Variants in CACNA2D3 observed in about 807,000 individuals in gnomAD.
CACNA2D3 encodes voltage-dependent calcium channel subunit alpha-2/delta-3.
In CACNA2D3, 60 loss-of-function variants were observed where a neutral mutation model predicts 160.6. The observed-to-expected ratio is 0.37, with a 90% CI of 0.30 to 0.46. CACNA2D3 has a LOEUF of 0.46. Among genes scored for constraint, CACNA2D3 ranks in the 20% least tolerant of loss-of-function variants. CACNA2D3 has a pLI of 1.00. For missense variants in CACNA2D3, 1,205 were observed against 1,365.0 expected, an observed-to-expected ratio of 0.88 and a Z score of 1.85; for synonymous variants, 558 against 492.9, an observed-to-expected ratio of 1.13 and a Z score of -1.75.
At chr3:54,603,647 A>G (rs1030884985) in intron 9 of CACNA2D3, among the ~76,000 whole-genome samples, 2 of 152,260 alleles carry the variant, frequency 1.3e-5, no homozygotes, top group Admixed American at 1.3e-4. Context: ...ACTTTCATAC[A>G]GACATGCTGG....
chr3:54,216,244 C>G (rs777696290), intron 2 of CACNA2D3, among the ~76,000 whole-genome samples: 2 of 152,128 alleles, frequency 1.3e-5, no homozygotes, highest in Admixed American at 6.5e-5. Flanking sequence ...GAAGCACAGG[C>G]TTTGAGAGAT....
chr3:54,381,154 C>G (rs1157617375), intron 3 of CACNA2D3, among the ~76,000 whole-genome samples: 2 of 152,104 alleles, frequency 1.3e-5, no homozygotes, highest in East Asian at 3.9e-4. Flanking sequence ...TTCCAACACC[C>G]CATTTTAACA....
intron 2 of CACNA2D3, among the ~76,000 whole-genome samples, chr3:54,244,215 A>C (rs1166125892): frequency 6.6e-6 from 1 of 152,218 alleles, no homozygotes; most frequent in Non-Finnish European, 1.5e-5. Context: ...CCATGGCTGC[A>C]GATGAGCAAA....
At chr3:54,970,562 A>C (rs1409385066) in intron 29 of CACNA2D3, among the ~76,000 whole-genome samples, 15 of 86,624 alleles carry the variant, frequency 1.7e-4, no homozygotes, top group African/African-American at 3.2e-4. Context: ...TCCGTTCCTC[A>C]CCCCTCTCCT....
chr3:54,356,744 A>T (rs1311794937), intron 3 of CACNA2D3, among the ~76,000 whole-genome samples: 4 of 152,158 alleles, frequency 2.6e-5, no homozygotes, highest in Non-Finnish European at 5.9e-5. Flanking sequence ...GGGCCATATG[A>T]GTCTATACAG....
intron 11 of CACNA2D3, among the ~76,000 whole-genome samples, chr3:54,647,705 C>G (rs1326859223): frequency 6.6e-6 from 1 of 152,196 alleles, no homozygotes; most frequent in Admixed American, 6.5e-5. Context: ...CAGGGCCTTG[C>G]TCCAAGCAAC....
intron 2 of CACNA2D3, among the ~76,000 whole-genome samples, chr3:54,140,363 C>T (rs1699900861): frequency 6.6e-6 from 1 of 152,212 alleles, no homozygotes; most frequent in Admixed American, 6.5e-5. Flanking sequence ...ACTGTAGGTT[C>T]TCCAGTGCTC....
intron 5 of CACNA2D3, among the ~76,000 whole-genome samples, chr3:54,532,462 C>T (rs570980593): frequency 1.1e-4 from 16 of 152,306 alleles, no homozygotes; most frequent in Middle Eastern, 3.4e-3. Flanking sequence ...TCCCTCACCC[C>T]GCTCCAATGT....
rs185076288 is a variant in CACNA2D3 at position 54,607,221 on chromosome 3, A to G, written c.964-20566A>G. Among the ~76,000 whole-genome samples the G allele has an allele frequency of 7.2e-5, 11 of 152,236 alleles. No homozygotes were observed. In the East Asian group the frequency reaches 1.9e-3, roughly 27 times the overall value. On this transcript the variant is annotated intron_variant, in intron 9 of 37. Transcript: ENST00000474759. ...TTCTGTATCTCCAGTGGGCATGTTCATGTCCCTCTAGATCTGTTTCTCCCC... is the reference window on the plus strand; with the variant it reads ...TTCTGTATCTCCAGTGGGCATGTTCGTGTCCCTCTAGATCTGTTTCTCCCC...
At chr3:54,362,443 A>G (rs1698758873) in intron 3 of CACNA2D3, among the ~76,000 whole-genome samples, 1 of 152,098 alleles carries the variant, frequency 6.6e-6, no homozygotes, top group South Asian at 2.1e-4. Flanking sequence ...CTTATATAAC[A>G]TCTTATATAA....
rs542979323 is a variant in CACNA2D3 at position 54,812,086 on chromosome 3, C to T, written c.1381-4767C>T. 4.6e-5 allele frequency among the ~76,000 whole-genome samples: 7 copies of T among 152,246 alleles called. No individual in the cohort carries two copies. The South Asian group carries it at 6.2e-4, about 14-fold the overall frequency. On this transcript the variant is annotated intron_variant, in intron 13 of 37. Transcript: ENST00000474759. The stretch of plus-strand genomic sequence containing the variant: ...GTTAGCCTTAAGATAACCTCATAGG[C>T]CAGAATGACTGCTAGAGCTCTAGTC...
chr3:54,759,709 T>C (rs771159999), intron 12 of CACNA2D3, among the ~76,000 whole-genome samples: 5 of 152,186 alleles, frequency 3.3e-5, no homozygotes, highest in Non-Finnish European at 7.3e-5. Context: ...AGGACAGTCA[T>C]ATATTGCCCC....
intron 17 of CACNA2D3, among the ~76,000 whole-genome samples, chr3:54,857,349 G>A (rs937902652): frequency 6.6e-6 from 1 of 152,184 alleles, no homozygotes; most frequent in Admixed American, 6.5e-5. Flanking sequence ...TCCTGTATGT[G>A]TAGCATGGCT....
intron 6 of CACNA2D3, among the ~76,000 whole-genome samples, chr3:54,563,742 G>A (rs1702364494): frequency 6.6e-6 from 1 of 152,144 alleles, no homozygotes; most frequent in Admixed American, 6.5e-5. Context: ...GCATAATCTT[G>A]GAGCAATTAA....
intron 4 of CACNA2D3, among the ~76,000 whole-genome samples, chr3:54,465,346 C>G (rs1007387990): frequency 2.2e-4 from 33 of 152,128 alleles, no homozygotes; most frequent in African/African-American, 6.5e-4. Flanking sequence ...AGCTAGCAAA[C>G]AAGCACATTC....
chr3:55,073,971 T>C (rs1469003979), intron 37 of CACNA2D3, 112 bp downstream of exon 37: 5 of 850,814 alleles, frequency 5.9e-6, no homozygotes, highest in African/African-American at 1.9e-5. Context: ...ATAATCCCTT[T>C]CATTCAGTAA....
At chr3:54,459,320 A>T in intron 4 of CACNA2D3, among the ~76,000 whole-genome samples, 1 of 142,910 alleles carries the variant, frequency 7.0e-6, no homozygotes, top group Non-Finnish European at 1.5e-5. Flanking sequence ...TGGTATTTCT[A>T]GTTCTAGATC....
At chr3:54,636,230 C>A (rs2106833463) in intron 10 of CACNA2D3, among the ~76,000 whole-genome samples, 1 of 151,998 alleles carries the variant, frequency 6.6e-6, no homozygotes, top group East Asian at 1.9e-4. Context: ...CCTGGTGGAA[C>A]TACCATCAAT....
At chr3:54,954,608 G>A (rs965429293) in intron 27 of CACNA2D3, among the ~76,000 whole-genome samples, 1 of 152,200 alleles carries the variant, frequency 6.6e-6, no homozygotes, top group Admixed American at 6.5e-5. Flanking sequence ...TCAGGAGGCT[G>A]GAGGTAGGGT....
Sources: allele counts gnomAD v4.1 joint callset (sites outside exome capture counted in the v4.1 genomes callset), GRCh38; gene constraint gnomAD v4.1.1; transcripts MANE v1.5; gene names NCBI Gene and HGNC (gene_info 2026-07-23, HGNC 2026-07-21).